The following MTCL1 variants were observed in gnomAD, a reference collection of about 807,000 sequenced individuals.
MTCL1 encodes microtubule cross-linking factor 1.
Under a neutral mutation model 141.4 loss-of-function variants are expected in MTCL1, and 79 were observed. The observed-to-expected ratio is 0.56, with a 90% CI of 0.47 to 0.67. The LOEUF (loss-of-function observed/expected upper bound fraction) is 0.67, where lower values mean the gene tolerates loss of function less well. Among genes scored for constraint, MTCL1 ranks in the 30% least tolerant of loss-of-function variants. MTCL1 has a pLI of 0.00. For synonymous variants in MTCL1, 914 were observed against 875.8 expected, an observed-to-expected ratio of 1.04 and a Z score of -0.77; for missense variants, 2,177 against 2,113.9, an observed-to-expected ratio of 1.03 and a Z score of -0.59.
At chr18:8,765,513 A>G (rs760690461) in intron 4 of MTCL1, among the ~76,000 whole-genome samples, 1 of 152,136 alleles carries the variant, frequency 6.6e-6, no homozygotes, top group Non-Finnish European at 1.5e-5. Flanking sequence ...TGGGCAAGTC[A>G]CTTAACCTTC....
At chr18:8,715,324 T>A (rs192937493), upstream of MTCL1, among the ~76,000 whole-genome samples, 139 of 152,334 alleles carry the variant, frequency 9.1e-4, 1 homozygote, top group Non-Finnish European at 1.6e-3. Flanking sequence ...CTGGAAGCTG[T>A]ATCTTGCATC....
chr18:8,766,794 T>G (rs655863), intron 4 of MTCL1, among the ~76,000 whole-genome samples: 2 of 151,980 alleles, frequency 1.3e-5, no homozygotes, highest in African/African-American at 4.8e-5. Flanking sequence ...CAGCTGGGAC[T>G]TCCCTCCCTC....
intron 1 of MTCL1, among the ~76,000 whole-genome samples, chr18:8,710,836 TC>T (rs1389765376): frequency 3.1e-3 from 250 of 80,536 alleles, no homozygotes; most frequent in African/African-American, 0.015. Flanking sequence ...TGGAAGGCTT[TC>T]TTTTTTTTTT....
chr18:8,779,524 A>G lies in MTCL1; in HGVS notation c.417+1632A>G, dbSNP rs552055277. 9.2e-5 allele frequency among the ~76,000 whole-genome samples: 14 copies of G among 152,282 alleles called. No individual in the cohort carries two copies. The East Asian group carries it at 2.7e-3, about 29-fold the overall frequency. ...AGCTGTGATTCCACATCTTATGAGA[A>G]GGAGTGGCTTCCCCTACTCAGAACA... On this transcript the variant is annotated intron_variant, in intron 5 of 16. Transcript: ENST00000359865. This position sits in a 1 kb window ranked among gnomAD's most constrained non-coding sequence, Gnocchi z 4.1.
intron 4 of MTCL1, among the ~76,000 whole-genome samples, chr18:8,756,426 T>G (rs1223090828): frequency 6.9e-6 from 1 of 144,346 alleles, no homozygotes; most frequent in African/African-American, 2.8e-5. Flanking sequence ...TGTATATATG[T>G]GTATATATGT....
At chr18:8,787,738 G>GT (rs1487871763) in intron 7 of MTCL1, among the ~76,000 whole-genome samples, 1 of 152,186 alleles carries the variant, frequency 6.6e-6, no homozygotes, top group Non-Finnish European at 1.5e-5. Context: ...TCATTCTGAT[G>GT]TTTTTTATTC....
At chr18:8,807,123 C>G (rs770312635) in intron 11 of MTCL1, 63 bp downstream of exon 10, 2 of 1,495,266 alleles carry the variant, frequency 1.3e-6, no homozygotes, top group Non-Finnish European at 1.8e-6. Context: ...GGATATGTGG[C>G]GGGGGAGCGG....
At chr18:8,759,438 G>A (rs749335258) in intron 4 of MTCL1, among the ~76,000 whole-genome samples, 6 of 152,180 alleles carry the variant, frequency 3.9e-5, no homozygotes, top group Admixed American at 2.0e-4. Context: ...GTGAAGGGTT[G>A]ACTATGATTT....
At chr18:8,778,980 G>A (rs763404598) in intron 5 of MTCL1, among the ~76,000 whole-genome samples, 9 of 152,224 alleles carry the variant, frequency 5.9e-5, no homozygotes, top group East Asian at 3.8e-4. Flanking sequence ...CCTGGGATGC[G>A]TTGAGCCGCC....
upstream of MTCL1, among the ~76,000 whole-genome samples, chr18:8,716,568 C>CTTT (rs1567928941): frequency 4.6e-5 from 5 of 108,892 alleles, no homozygotes; most frequent in African/African-American, 1.7e-4. Context: ...TCTTTTTGTT[C>CTTT]ATTTTTTTTT....
intron 3 of MTCL1, among the ~76,000 whole-genome samples, chr18:8,719,294 C>T (rs892326004): frequency 2.6e-5 from 4 of 152,112 alleles, no homozygotes; most frequent in African/African-American, 7.2e-5. Context: ...TCTTTATTGC[C>T]GGAGTACTTG....
At chr18:8,766,022 C>T (rs1355852533) in intron 4 of MTCL1, among the ~76,000 whole-genome samples, 1 of 152,206 alleles carries the variant, frequency 6.6e-6, no homozygotes, top group East Asian at 1.9e-4. Context: ...CACATTCACC[C>T]TTATGTACCC....
intron 12 of MTCL1, among the ~76,000 whole-genome samples, chr18:8,818,393 A>T (rs1183955289): frequency 2.0e-5 from 3 of 151,792 alleles, no homozygotes; most frequent in African/African-American, 4.8e-5. Context: ...CTTGCGTTAT[A>T]GCTAAGTTTG....
chr18:8,720,789 C>T (rs73939507), intron 4 of MTCL1, among the ~76,000 whole-genome samples: 9,435 of 152,210 alleles, frequency 0.062, 387 homozygotes, highest in African/African-American at 0.11. Flanking sequence ...TTGCAGAAAA[C>T]GCTTATTGGG....
At chr18:8,735,618 C>T (rs1270291931) in intron 4 of MTCL1, among the ~76,000 whole-genome samples, 1 of 152,110 alleles carries the variant, frequency 6.6e-6, no homozygotes, top group Non-Finnish European at 1.5e-5. Flanking sequence ...CTGTGCATTA[C>T]TTCTGGAAAT....
At chr18:8,831,380 G>GT (rs911865150) in intron 16 of MTCL1, 2 of 1,378,602 alleles carry the variant, frequency 1.5e-6, no homozygotes, top group Admixed American at 6.1e-5. Flanking sequence ...GTATTGCTGT[G>GT]TTTAATCATA....
At chr18:8,755,850 G>C (rs2096394850) in intron 4 of MTCL1, among the ~76,000 whole-genome samples, 1 of 152,174 alleles carries the variant, frequency 6.6e-6, no homozygotes, top group African/African-American at 2.4e-5. Context: ...TTCAGAGTAA[G>C]AATTATTAGC....
chr18:8,773,044 A>G (rs984907536), intron 4 of MTCL1, among the ~76,000 whole-genome samples: 12 of 152,232 alleles, frequency 7.9e-5, no homozygotes, highest in Non-Finnish European at 1.5e-5. Context: ...CATGTTGTGT[A>G]TCTTAAATAT....
chr18:8,770,628 C>T (rs570967975), intron 4 of MTCL1, among the ~76,000 whole-genome samples: 19 of 152,264 alleles, frequency 1.2e-4, no homozygotes, highest in African/African-American at 4.6e-4. Flanking sequence ...TTAGGGCTTC[C>T]ACATAGGAAT....
Sources: allele counts gnomAD v4.1 joint callset (sites outside exome capture counted in the v4.1 genomes callset), GRCh38; gene constraint gnomAD v4.1.1; non-coding constraint Gnocchi (gnomAD v3.1); transcripts MANE v1.5; gene names NCBI Gene and HGNC (gene_info 2026-07-23, HGNC 2026-07-21).